The following SYN3 variants were observed in gnomAD, a reference collection of about 807,000 sequenced individuals.
SYN3 encodes the protein synapsin-3.
Under a neutral mutation model 65.8 loss-of-function variants are expected in SYN3, and 35 were observed. The observed-to-expected ratio is 0.53, with a 90% CI of 0.41 to 0.70. SYN3 has a LOEUF of 0.70. Among genes scored for constraint, SYN3 ranks in the 30% least tolerant of loss-of-function variants. The pLI is 0.00. For synonymous variants in SYN3, 270 were observed against 292.9 expected, an observed-to-expected ratio of 0.92 and a Z score of 0.80; for missense variants, 680 against 749.0, an observed-to-expected ratio of 0.91 and a Z score of 1.08.
Position 32,663,074 on chromosome 22 carries a change from C to T in SYN3, c.712-66338G>A, listed in dbSNP as rs2060237550. 2.0e-5 allele frequency among the ~76,000 whole-genome samples: 3 copies of T among 152,108 alleles called. No homozygotes were observed. In the South Asian group the frequency reaches 6.2e-4, roughly 31 times the overall value. ...TAGTCCTTACTTACTCAACAGTAAG[C>T]CTCAAGTAGAGGGGGTTGGAAGAAT... On this transcript the variant is annotated intron_variant, in intron 6 of 13. Coordinates refer to ENST00000358763, the MANE Select transcript of SYN3 (RefSeq NM_003490.4).
intron 3 of SYN3, among the ~76,000 whole-genome samples, chr22:32,949,309 C>T (rs759425686): frequency 1.9e-4 from 29 of 151,394 alleles, no homozygotes; most frequent in Admixed American, 3.3e-4. Context: ...CAGCGGGGGG[C>T]GGGGGTGCTC....
chr22:32,633,576 CA>C (rs1394729045), intron 6 of SYN3, among the ~76,000 whole-genome samples: 3 of 152,158 alleles, frequency 2.0e-5, no homozygotes, highest in Non-Finnish European at 4.4e-5. Context: ...ACGCCGAGGA[CA>C]GCAGATTTTG....
chr22:32,697,677 G>A (rs942474130), intron 6 of SYN3, among the ~76,000 whole-genome samples: 1 of 152,178 alleles, frequency 6.6e-6, no homozygotes, highest in Non-Finnish European at 1.5e-5. Flanking sequence ...AGGGTCAGCT[G>A]GGGACTCTGC....
intron 6 of SYN3, among the ~76,000 whole-genome samples, chr22:32,624,691 G>C (rs935240641): frequency 4.6e-5 from 7 of 152,208 alleles, no homozygotes; most frequent in African/African-American, 1.7e-4. Flanking sequence ...CTGCTGGAAG[G>C]CACTGCCATG....
In SYN3 at chr22:32,755,842, T is replaced by A. The variant is rs149711219; in HGVS notation, c.711+109073A>T. 8.2e-3 allele frequency among the ~76,000 whole-genome samples: 1,253 copies of A among 152,184 alleles called. 9 individuals are homozygous for A. The highest frequency in any genetic ancestry group is 0.011 in the Non-Finnish European group (736 of 68,016). ...GTGAACCTACGTACACAATTTTTTT[T>A]AAAAAAGTTAAAACGTGGCCCATAT... On this transcript the variant is annotated intron_variant, in intron 6 of 13. Coordinates refer to ENST00000358763, the MANE Select transcript of SYN3 (RefSeq NM_003490.4).
At chr22:32,780,451 G>C (rs182897715) in intron 6 of SYN3, among the ~76,000 whole-genome samples, 2 of 152,212 alleles carry the variant, frequency 1.3e-5, no homozygotes, top group African/African-American at 2.4e-5. Flanking sequence ...TTTCCTTTTC[G>C]CATCTCTGCA....
chr22:32,519,341 C>T lies in SYN3; in HGVS notation c.1319-1007G>A, dbSNP rs191624839. On this transcript the variant is annotated intron_variant, in intron 12 of 13. Coordinates refer to ENST00000358763, the MANE Select transcript of SYN3 (RefSeq NM_003490.4). ...TTTTTTCTCACGGGTATTTTCCACACTGAAGATGTATTTCTTTGGAAACAA... is the reference window on the plus strand; with the variant it reads ...TTTTTTCTCACGGGTATTTTCCACATTGAAGATGTATTTCTTTGGAAACAA... 10 of 151,528 alleles carry T rather than the reference C, an allele frequency of 6.6e-5. No individual in the cohort carries two copies. The East Asian group carries it at 1.9e-3, about 29-fold the overall frequency. 9.4% of individuals were successfully genotyped at this position (151,528 alleles called of 1,614,324 possible).
intron 6 of SYN3, among the ~76,000 whole-genome samples, chr22:32,741,401 T>G (rs1216898129): frequency 2.8e-5 from 4 of 141,104 alleles, no homozygotes; most frequent in Admixed American, 2.3e-4. Flanking sequence ...TGCCGCCCAG[T>G]CTGGAGTGCA....
At chr22:32,575,386 T>C (rs1180167517) in intron 7 of SYN3, among the ~76,000 whole-genome samples, 1 of 151,998 alleles carries the variant, frequency 6.6e-6, no homozygotes, top group Non-Finnish European at 1.5e-5. Flanking sequence ...AGAAGGACCA[T>C]GACAGACGTG....
intron 6 of SYN3, among the ~76,000 whole-genome samples, chr22:32,645,399 G>A (rs5754183): frequency 6.7e-6 from 1 of 149,254 alleles, no homozygotes; most frequent in Non-Finnish European, 1.5e-5. Context: ...GGCGGTGAGC[G>A]AAGATCGCAC....
intron 7 of SYN3, among the ~76,000 whole-genome samples, chr22:32,580,420 T>C (rs1022642819): frequency 6.6e-6 from 1 of 152,208 alleles, no homozygotes; most frequent in East Asian, 1.9e-4. Flanking sequence ...GACAGTAGAT[T>C]GCTATAATTG....
intron 6 of SYN3, among the ~76,000 whole-genome samples, chr22:32,741,150 T>C (rs2061399755): frequency 6.6e-6 from 1 of 152,124 alleles, no homozygotes; most frequent in Non-Finnish European, 1.5e-5. Flanking sequence ...TTGACAATAA[T>C]AGGCTGGTAC....
chr22:32,770,626 G>A (rs557977244), intron 6 of SYN3, among the ~76,000 whole-genome samples: 5 of 152,182 alleles, frequency 3.3e-5, no homozygotes, highest in South Asian at 4.2e-4. Context: ...TCTCTGCTTC[G>A]TTGGAGAGAC....
intron 4 of SYN3, among the ~76,000 whole-genome samples, chr22:32,914,407 A>T (rs1336089408): frequency 6.7e-6 from 1 of 150,344 alleles, no homozygotes. Context: ...CATCTGTAAT[A>T]TGGGGATAGT....
intron 7 of SYN3, among the ~76,000 whole-genome samples, chr22:32,556,306 CTGA>C (rs2058494476): frequency 6.6e-6 from 1 of 152,112 alleles, no homozygotes; most frequent in African/African-American, 2.4e-5. Flanking sequence ...GCACAAATTC[CTGA>C]ACCTTAGAAT....
intron 10 of SYN3, among the ~76,000 whole-genome samples, chr22:32,532,110 G>A (rs1229309079): frequency 6.6e-6 from 1 of 152,290 alleles, no homozygotes; most frequent in Non-Finnish European, 1.5e-5. Context: ...AGGGCAGTCC[G>A]GGAGCTCTAG....
intron 1 of SYN3, among the ~76,000 whole-genome samples, chr22:33,032,198 A>G (rs1363506061): frequency 1.3e-5 from 2 of 149,606 alleles, no homozygotes; most frequent in African/African-American, 4.9e-5. Flanking sequence ...TGACAGAGCA[A>G]GGCTCTGTCT....
chr22:32,510,299 G>A lies in SYN3; in HGVS notation c.*3393C>T, dbSNP rs2057676773. On this transcript the variant is annotated 3_prime_UTR_variant, in exon 14 of 14. Transcript: ENST00000358763. ...CAAAGATGCAGGTTCTGGGTCCTGT[G>A]ACCAGAAATTCGGACTCCTTTAGTC... Among the ~76,000 whole-genome samples, 1 of 152,180 alleles carries A rather than the reference G, an allele frequency of 6.6e-6. No individual in the cohort carries two copies. The highest frequency in any genetic ancestry group is 1.5e-5 in the Non-Finnish European group (1 of 68,044).
At chr22:32,673,944 T>C (rs910151649) in intron 6 of SYN3, among the ~76,000 whole-genome samples, 8 of 152,052 alleles carry the variant, frequency 5.3e-5, no homozygotes, top group East Asian at 1.9e-4. Context: ...AGTGGCACGA[T>C]TGCATATGAG....
Sources: gnomAD v4.1 joint callset for allele counts (sites outside exome capture counted in the v4.1 genomes callset) on GRCh38, gnomAD v4.1.1 for gene constraint, MANE v1.5 for transcripts, NCBI Gene and HGNC (gene_info 2026-07-23, HGNC 2026-07-21) for gene names.